Variants in FAM9C observed in about 807,000 individuals in gnomAD.
The protein encoded by FAM9C is family with sequence similarity 9 member C.
FAM9C carries 15 observed loss-of-function variants against 14.8 expected under a neutral mutation model. That is an observed-to-expected ratio of 1.02 (90% CI 0.68 to 1.56). FAM9C has a LOEUF of 1.56. Among genes scored for constraint, FAM9C ranks in the 40% most tolerant of loss-of-function variants. FAM9C has a pLI of 0.00. For missense variants in FAM9C, 116 were observed against 118.0 expected (o/e 0.98, Z 0.08); for synonymous variants, 45 against 37.5 (o/e 1.20, Z -0.74).
At chrX:13,042,984 A>G (rs771701133) in intron 3 of FAM9C, 35 bp from the exon 4 acceptor site, 1 of 1,175,276 alleles carries the variant, frequency 8.5e-7, no homozygotes, top group African/African-American at 1.8e-5. Flanking sequence ...TTTTAACATA[A>G]TGCTACACAA....
At chrX:13,041,821 T>C (rs1462741599) in intron 4 of FAM9C, 2 of 112,363 alleles carry the variant, frequency 1.8e-5, no homozygotes. Flanking sequence ...AGGAATGCTT[T>C]CCTAAACATG....
intron 5 of FAM9C, chrX:13,040,214 A>G: frequency 8.0e-6 from 5 of 625,286 alleles, no homozygotes; most frequent in Non-Finnish European, 9.6e-6. Context: ...TTTACTTTTC[A>G]TTTCTTCTTA....
intron 5 of FAM9C, chrX:13,040,409 T>C: frequency 2.2e-6 from 1 of 451,753 alleles, no homozygotes; most frequent in Non-Finnish European, 2.8e-6. Context: ...GGTTATCCCT[T>C]TCTACATAAT....
intron 7 of FAM9C, chrX:13,036,919 A>C (rs1032252869): frequency 9.6e-6 from 1 of 104,324 alleles, no homozygotes; most frequent in East Asian, 2.9e-4. Flanking sequence ...TCAATCGATC[A>C]AAAAAAAAAA....
At position 13,042,903 on chromosome X, in the gene FAM9C, G is replaced by A; in HGVS notation, c.214+15C>T. The stretch of plus-strand genomic sequence containing the variant: ...AAACAATTTTCATAAACCACAAATA[G>A]CTCGTAAAACATACCTGCAATATCT... On this transcript the variant is annotated intron_variant, in intron 4 of 7. Coordinates refer to ENST00000380625, the MANE Select transcript of FAM9C (RefSeq NM_174901.6). The A allele has an allele frequency of 8.3e-7, 1 of 1,207,508 alleles. No homozygotes were observed. The highest frequency in any genetic ancestry group is 1.1e-6 in the Non-Finnish European group (1 of 893,677).
intron 7 of FAM9C, chrX:13,037,325 T>A (rs2043487978): frequency 1.8e-5 from 2 of 111,998 alleles, no homozygotes; most frequent in Admixed American, 1.9e-4. Context: ...CATTGCAGAG[T>A]AAAACTTGCC....
chrX:13,038,334 T>A (rs2043496123), intron 7 of FAM9C, 82 bp downstream of exon 7: 3 of 802,393 alleles, frequency 3.7e-6, no homozygotes, highest in Non-Finnish European at 3.4e-6. Context: ...TTCCATACAT[T>A]CAGAAACAAG....
At chrX:13,041,848 C>T (rs2043530525) in intron 4 of FAM9C, 1 of 112,074 alleles carries the variant, frequency 8.9e-6, no homozygotes, top group South Asian at 3.7e-4. Flanking sequence ...CATGAGAGAT[C>T]TACCATCAAT....
In FAM9C at chrX:13,038,455, T is replaced by C; in HGVS notation, c.487A>G (p.Thr163Ala). 8.3e-7 allele frequency: 1 copy of C among 1,207,068 alleles called. No homozygotes were observed. The highest frequency in any genetic ancestry group is 1.1e-6 in the Non-Finnish European group (1 of 893,704). Residue 163 changes from threonine to alanine, a missense_variant, in exon 7 of 8, where the codon ACT becomes GCT. Physicochemically the swap from Thr to Ala is moderately conservative, Grantham distance 58 (BLOSUM62 0). Transcript: ENST00000380625. Reference sequence around the variant, plus strand: ...CGTGTGGTGGCTCAATCTCTTTCAGTTCCTTTCCCATCTTGTTGCCACCTC... The same window carrying C: ...CGTGTGGTGGCTCAATCTCTTTCAGCTCCTTTCCCATCTTGTTGCCACCTC... ...QKRWQQDGKGTERD is the reference protein window; with the variant it reads ...QKRWQQDGKGAERD
chrX:13,040,529 C>T (rs1346657277), intron 5 of FAM9C: 1 of 278,227 alleles, frequency 3.6e-6, no homozygotes, highest in African/African-American at 2.8e-5. Context: ...GACTTTTTAT[C>T]TGGAAGGCAA....
At chrX:13,036,615 TA>T (rs2043481631) in intron 7 of FAM9C, 1 of 111,471 alleles carries the variant, frequency 9.0e-6, no homozygotes, top group Non-Finnish European at 1.9e-5. Flanking sequence ...ACTGAAGGGA[TA>T]AAATGGTCTG....
Position 13,043,231 on chromosome X carries a change from G to A in FAM9C, c.79C>T (p.His27Tyr). 1 of 1,205,059 alleles carries A rather than the reference G, an allele frequency of 8.3e-7. No homozygotes were observed. The highest frequency in any genetic ancestry group is 1.1e-6 in the Non-Finnish European group (1 of 893,234). Residue 27 changes from histidine (H) to tyrosine (Y), a missense_variant, in exon 3 of 8, where the codon CAT becomes TAT. Transcript: ENST00000380625. ...ACAGGTTTTCTTTCCTCATGCTCATGACTTACTGGATCCTTTCCTGCATTA... is the reference window on the plus strand; with the variant it reads ...ACAGGTTTTCTTTCCTCATGCTCATAACTTACTGGATCCTTTCCTGCATTA... ...MELAGKDPVS[H>Y]EHEERKPVTE...
intron 6 of FAM9C, among the ~76,000 whole-genome samples, chrX:13,038,828 G>C (rs750372287): frequency 2.7e-5 from 3 of 112,038 alleles, no homozygotes; most frequent in Non-Finnish European, 5.6e-5. Context: ...AATTAACTAA[G>C]AAACATTCTT....
intron 6 of FAM9C, among the ~76,000 whole-genome samples, chrX:13,039,222 T>C (rs1191324340): frequency 1.8e-5 from 2 of 111,383 alleles, no homozygotes; most frequent in African/African-American, 3.3e-5. Context: ...GAACTAGCAA[T>C]GGTCAAACTG....
chrX:13,040,150 G>A, intron 5 of FAM9C: 1 of 282,256 alleles, frequency 3.5e-6, no homozygotes, highest in Non-Finnish European at 4.8e-6. Flanking sequence ...GAAGACAAAG[G>A]AGGGTTTACT....
intron 4 of FAM9C, 182 bp downstream of exon 4, chrX:13,042,736 C>T: frequency 1.9e-6 from 1 of 527,991 alleles, no homozygotes. Flanking sequence ...AGCATTCTCA[C>T]ATTCCACATC....
chrX:13,043,111 G>C lies in FAM9C; in HGVS notation c.182+17C>G. On this transcript the variant is annotated intron_variant, in intron 3 of 7. Coordinates refer to ENST00000380625, the MANE Select transcript of FAM9C (RefSeq NM_174901.6). ...AAAGACCTTATCTGACAGGCAAAAG[G>C]GACTTAAACACTTTACCCCGTGTGT... 5 of 1,197,617 alleles carry C rather than the reference G, an allele frequency of 4.2e-6. No individual in the cohort carries two copies. The highest frequency in any genetic ancestry group is 5.6e-6 in the Non-Finnish European group (5 of 890,597).
Position 13,043,733 on chromosome X carries a change from A to G in FAM9C, c.57T>C (p.Leu19=), listed in dbSNP as rs2043550153. 2 of 1,211,953 alleles carry G rather than the reference A, an allele frequency of 1.7e-6. No individual in the cohort carries two copies. Among genetic ancestry groups the G allele is most frequent in the Non-Finnish European group, 2.2e-6 (2 of 895,476 alleles). The change falls in exon 2 of 8, where the codon CTT becomes CTC. Residue 19 remains leucine, a synonymous_variant. Transcript: ENST00000380625. ...VQVMAAQEME[L]AGKDPVSHEH... ...GTCCCCTTGGGCTGTGTTTACCTGCAAGCTCCATTTCCTGGGCGGCCATAA... is the reference window on the plus strand; with the variant it reads ...GTCCCCTTGGGCTGTGTTTACCTGCGAGCTCCATTTCCTGGGCGGCCATAA...
At position 13,043,203 on chromosome X, in the gene FAM9C, G is replaced by C; in HGVS notation, c.107C>G (p.Thr36Arg). The C allele has an allele frequency of 8.3e-7, 1 of 1,209,296 alleles. No individual in the cohort carries two copies. Among genetic ancestry groups the C allele is most frequent in the Non-Finnish European group, 1.1e-6 (1 of 894,520 alleles). The change falls in exon 3 of 8, where the codon ACA becomes AGA. Residue 36 changes from threonine (T) to arginine (R), a missense_variant. Thr to Arg is a moderately conservative substitution (Grantham distance 71, BLOSUM62 -1). Transcript: ENST00000380625. ...AGTTACATCTCCCTCCTTTGTCTCT[G>C]TAACAGGTTTTCTTTCCTCATGCTC... is the stretch of plus-strand genomic sequence containing the variant. ...SHEHEERKPV[T>R]ETKEGDVTDE...
Sources: allele counts gnomAD v4.1 joint callset (sites outside exome capture counted in the v4.1 genomes callset), GRCh38; gene constraint gnomAD v4.1.1; transcripts MANE v1.5; gene names NCBI Gene and HGNC (gene_info 2026-07-23, HGNC 2026-07-21).